C5orf58: variants seen among roughly 807,000 people sequenced by gnomAD.
The protein encoded by C5orf58 is putative uncharacterized protein C5orf58.
A neutral mutation model predicts 2.9 loss-of-function variants in C5orf58; 2 were observed. The ratio of observed to expected loss-of-function variants is 0.69; its 90% CI spans 0.28 to 2.18. C5orf58 has a LOEUF of 2.18. C5orf58 is among the 30% of genes most tolerant of loss of function. The pLI is 0.13. For synonymous variants in C5orf58, 37 were observed against 33.4 expected, an observed-to-expected ratio of 1.11 and a Z score of -0.37; for missense variants, 96 against 91.7, an observed-to-expected ratio of 1.05 and a Z score of -0.19.
chr5:170,237,676 G>A (rs1031234288), intron 3 of C5orf58, among the ~76,000 whole-genome samples: 1 of 152,160 alleles, frequency 6.6e-6, no homozygotes, highest in Non-Finnish European at 1.5e-5. Context: ...GTGAAATTTG[G>A]ATAATAGGAA....
chr5:170,252,175 A>G (rs998415276), exon 3 of C5orf58: 1 of 299,648 alleles, frequency 3.3e-6, no homozygotes, highest in Non-Finnish European at 6.3e-6. Flanking sequence ...AGACTCTTTC[A>G]TTAATAAAAT....
intron 3 of C5orf58, chr5:170,237,142 A>G (rs539145752): frequency 1.0e-5 from 4 of 396,166 alleles, no homozygotes; most frequent in Non-Finnish European, 1.8e-5. Context: ...TTTTCTTGAG[A>G]CATTGTATGG....
At chr5:170,249,380 A>ATATATATATATC (rs57880741), downstream of C5orf58, among the ~76,000 whole-genome samples, 1 of 148,016 alleles carries the variant, frequency 6.8e-6, no homozygotes, top group Non-Finnish European at 1.5e-5. Context: ...ATATATATAT[A>ATATATATATATC]TCTACATATC....
At chr5:170,233,111 CAACG>C in intron 1 of C5orf58, 104 bp downstream of exon 1, 4 of 408,172 alleles carry the variant, frequency 9.8e-6, no homozygotes, top group Non-Finnish European at 1.3e-5. Context: ...TTCCACCACC[CAACG>C]GGTGGGCGGT....
At chr5:170,250,841 GGTT>G, downstream of C5orf58, 1 of 1,613,038 alleles carries the variant, frequency 6.2e-7, no homozygotes, top group Non-Finnish European at 8.5e-7. Context: ...CATATGGATT[GGTT>G]GTTGTTTTTT....
intron 2 of C5orf58, 117 bp downstream of exon 2, chr5:170,234,315 T>C (rs1050967526): frequency 2.5e-5 from 13 of 530,534 alleles, no homozygotes; most frequent in Non-Finnish European, 1.0e-5. Context: ...TTTGAGAGAC[T>C]GAACAGCTTA....
intron 1 of C5orf58, chr5:170,233,293 A>G (rs2113075517): frequency 6.6e-6 from 1 of 152,442 alleles, no homozygotes; most frequent in African/African-American, 2.4e-5. Flanking sequence ...AGTAAGCCCC[A>G]AAGGTTCATT....
At chr5:170,233,778 A>G (rs1008025643) in intron 1 of C5orf58, 2 of 243,098 alleles carry the variant, frequency 8.2e-6, no homozygotes, top group African/African-American at 4.7e-5. Flanking sequence ...CCTCCAGTCC[A>G]GTCCCAGCTA....
At chr5:170,233,254 C>T (rs1301508698) in intron 1 of C5orf58, 1 of 152,344 alleles carries the variant, frequency 6.6e-6, no homozygotes, top group Admixed American at 6.6e-5. Context: ...TTTACATTAC[C>T]CTAATCCTGT....
chr5:170,246,222 T>A lies in C5orf58; in HGVS notation c.*109T>A. On this transcript the variant is annotated 3_prime_UTR_variant, in exon 4 of 4. Coordinates refer to ENST00000593851, the MANE Select transcript of C5orf58 (RefSeq NM_001102609.3). ...AATTTAAAACAAAATAAAAATAATG[T>A]AAACAAGCAGTTCATGTTCTTGAAG... is the stretch of plus-strand genomic sequence containing the variant. 1 of 916,266 alleles carries A rather than the reference T, an allele frequency of 1.1e-6. No homozygotes were observed. Among genetic ancestry groups the A allele is most frequent in the Non-Finnish European group, 1.6e-6 (1 of 639,278 alleles). The allele number at this position is 916,266 out of a possible 1,614,324, so 56.8% of individuals were successfully genotyped here. A position where few individuals can be genotyped will look rare whatever the true frequency, so the allele number is the denominator to read the frequency against.
chr5:170,235,947 T>C (rs1760724706), intron 3 of C5orf58, among the ~76,000 whole-genome samples: 1 of 152,206 alleles, frequency 6.6e-6, no homozygotes, highest in African/African-American at 2.4e-5. Flanking sequence ...TCTTTCCATC[T>C]TTCTGCTCTG....
At chr5:170,246,304 C>A, downstream of C5orf58, 1 of 474,494 alleles carries the variant, frequency 2.1e-6, no homozygotes, top group Non-Finnish European at 3.6e-6. Context: ...AAGTGTATGA[C>A]ATAGGAAATT....
chr5:170,248,543 T>C, downstream of C5orf58: 1 of 767,302 alleles, frequency 1.3e-6, no homozygotes, highest in Non-Finnish European at 2.2e-6. Context: ...ACAGTCTTCA[T>C]TTCAAACACT....
intron 3 of C5orf58, among the ~76,000 whole-genome samples, chr5:170,240,532 A>G (rs1283543399): frequency 6.6e-5 from 10 of 151,404 alleles, no homozygotes; most frequent in East Asian, 1.9e-4. Flanking sequence ...GCCAGTGATG[A>G]TGAGCATTTT....
At chr5:170,235,331 T>C (rs1199942553) in intron 3 of C5orf58, among the ~76,000 whole-genome samples, 1 of 152,212 alleles carries the variant, frequency 6.6e-6, no homozygotes, top group Non-Finnish European at 1.5e-5. Context: ...TTACTTCCCT[T>C]CCTTCCCTTC....
rs1441804250 is a variant in C5orf58, at chr5:170,234,184, A to G, written c.-15A>G. 1 of 1,367,234 alleles carries G rather than the reference A, an allele frequency of 7.3e-7. No homozygotes were observed. The highest frequency in any genetic ancestry group is 1.5e-5 in the African/African-American group (1 of 67,748). 84.7% of individuals were successfully genotyped at this position (1,367,234 alleles called of 1,614,324 possible). A position where few individuals can be genotyped will look rare whatever the true frequency, so the allele number is the denominator to read the frequency against. Reference sequence around the variant, plus strand: ...CCCTGCTCAGGAAAAGGTAGAGGCAAGGATTGACTTAAAGGTTAGTTTGTT... The same window carrying G: ...CCCTGCTCAGGAAAAGGTAGAGGCAGGGATTGACTTAAAGGTTAGTTTGTT... On this transcript the variant is annotated 5_prime_UTR_variant, in exon 2 of 4. Coordinates refer to ENST00000593851, the MANE Select transcript of C5orf58 (RefSeq NM_001102609.3).
chr5:170,244,241 C>G (rs1235512909), intron 3 of C5orf58, among the ~76,000 whole-genome samples: 1 of 146,074 alleles, frequency 6.8e-6, no homozygotes, highest in African/African-American at 2.5e-5. Context: ...TTTGGTGAAT[C>G]TGACAATTAT....
downstream of C5orf58, among the ~76,000 whole-genome samples, chr5:170,249,197 C>T (rs1487363427): frequency 2.0e-5 from 3 of 151,830 alleles, no homozygotes; most frequent in Non-Finnish European, 2.9e-5. Context: ...TGCTGGTGTG[C>T]GCCTGTAATC....
At chr5:170,239,428 TAA>T (rs1370937904) in intron 3 of C5orf58, among the ~76,000 whole-genome samples, 9 of 149,856 alleles carry the variant, frequency 6.0e-5, no homozygotes, top group Non-Finnish European at 7.4e-5. Flanking sequence ...TCAAAAAATT[TAA>T]AGTTACAGAG....
Sources: gnomAD v4.1 joint callset for allele counts (sites outside exome capture counted in the v4.1 genomes callset) on GRCh38, gnomAD v4.1.1 for gene constraint, MANE v1.5 for transcripts, NCBI Gene and HGNC (gene_info 2026-07-23, HGNC 2026-07-21) for gene names.